GABRB2: variants seen among roughly 807,000 people sequenced by gnomAD.
GABRB2 encodes gamma-aminobutyric acid type A receptor subunit beta2, also known as gamma-aminobutyric acid receptor subunit beta-2.
Under a neutral mutation model 54.7 loss-of-function variants are expected in GABRB2, and 16 were observed. That is an observed-to-expected ratio of 0.29 (90% CI 0.20 to 0.44). GABRB2 has a LOEUF of 0.44. Ranked by LOEUF, GABRB2 falls within the 20% of genes least tolerant of loss-of-function variation. The pLI, the probability that GABRB2 is intolerant of heterozygous loss-of-function variation, is 1.00. For synonymous variants in GABRB2, 244 were observed against 233.8 expected (o/e 1.04, Z -0.40); for missense variants, 355 against 644.0 (o/e 0.55, Z 4.86).
At chr5:161,455,641 C>T (rs1757932531) in intron 4 of GABRB2, among the ~76,000 whole-genome samples, 5 of 151,752 alleles carry the variant, frequency 3.3e-5, no homozygotes, top group Admixed American at 3.3e-4. Flanking sequence ...GCCATCCTCC[C>T]ACCTCAGCCT....
chr5:161,383,951 G>A (rs1403763944), intron 5 of GABRB2, among the ~76,000 whole-genome samples: 2 of 152,216 alleles, frequency 1.3e-5, no homozygotes, highest in East Asian at 3.9e-4. Flanking sequence ...GCAGTGGTGC[G>A]ATCTCGGCTC....
chr5:161,293,972 T>A lies in GABRB2; in HGVS notation c.*109A>T. Reference sequence around the variant, plus strand: ...ACAGGATAGGCCAGCAACTAAGGTATTTTAGCGTCACTTTTGTCCTGGATT... The same window carrying A: ...ACAGGATAGGCCAGCAACTAAGGTAATTTAGCGTCACTTTTGTCCTGGATT... On this transcript the variant is annotated 3_prime_UTR_variant, in exon 10 of 10. Coordinates refer to ENST00000393959, the MANE Select transcript of GABRB2 (RefSeq NM_001371727.1). 1.2e-6 allele frequency: 1 copy of A among 851,030 alleles called. No homozygotes were observed. Among genetic ancestry groups the A allele is most frequent in the Non-Finnish European group, 1.8e-6 (1 of 546,320 alleles). The allele number at this position is 851,030 out of a possible 1,614,324, so 52.7% of individuals were successfully genotyped here. A position where few individuals can be genotyped will look rare whatever the true frequency, so the allele number is the denominator to read the frequency against.
Position 161,389,651 on chromosome 5 carries a change from G to T in GABRB2, c.541+21324C>A, listed in dbSNP as rs73319066. Among the ~76,000 whole-genome samples the T allele has an allele frequency of 2.3e-3, 350 of 151,670 alleles. 1 individual carries two copies. Among genetic ancestry groups the T allele is most frequent in the African/African-American group, 8.0e-3 (330 of 41,422 alleles). On this transcript the variant is annotated intron_variant, in intron 5 of 9. Transcript: ENST00000393959. ...AGAAATGAGAAAAAGAGAAGAAAAT[G>T]AGGGATTAAGGAATTGTTTGGGAGT...
chr5:161,331,887 C>T (rs575163628), intron 7 of GABRB2, among the ~76,000 whole-genome samples: 106 of 151,888 alleles, frequency 7.0e-4, no homozygotes, highest in African/African-American at 2.4e-3. Flanking sequence ...GCCAGTTGGC[C>T]GGGCGCGGTG....
chr5:161,372,958 T>C (rs1755174634), intron 5 of GABRB2, among the ~76,000 whole-genome samples: 1 of 152,154 alleles, frequency 6.6e-6, no homozygotes, highest in Non-Finnish European at 1.5e-5. Context: ...CCAGCATGTT[T>C]AGGAAGAAAG....
In GABRB2 at chr5:161,463,525, T is replaced by C. The variant is rs1023488140; in HGVS notation, c.238-3681A>G. 2.2e-4 allele frequency among the ~76,000 whole-genome samples: 31 copies of C among 138,084 alleles called. 1 individual carries two copies. Among genetic ancestry groups the C allele is most frequent in the African/African-American group, 7.5e-4 (28 of 37,372 alleles). 90.6% of individuals were successfully genotyped at this position (138,084 alleles called of 152,430 possible). A position where few individuals can be genotyped will look rare whatever the true frequency, so the allele number is the denominator to read the frequency against. ...ACCCTATCAGGATTTTTTTTGTAGA[T>C]GTTGACAAGGTGATTCCAAATATTT... On this transcript the variant is annotated intron_variant, in intron 3 of 9. Coordinates refer to ENST00000393959, the MANE Select transcript of GABRB2 (RefSeq NM_001371727.1).
intron 5 of GABRB2, among the ~76,000 whole-genome samples, chr5:161,337,253 TC>T (rs35983573): frequency 6.6e-5 from 10 of 152,110 alleles, no homozygotes; most frequent in East Asian, 1.9e-4. Context: ...TATCAAATTC[TC>T]CCCCAATATA....
At chr5:161,500,071 T>C (rs1188481854) in intron 3 of GABRB2, among the ~76,000 whole-genome samples, 2 of 152,208 alleles carry the variant, frequency 1.3e-5, no homozygotes, top group Non-Finnish European at 2.9e-5. Context: ...TTAAAAATAA[T>C]TGAATATGTT....
chr5:161,379,996 A>G (rs1463163408), intron 5 of GABRB2, among the ~76,000 whole-genome samples: 1 of 152,168 alleles, frequency 6.6e-6, no homozygotes, highest in Non-Finnish European at 1.5e-5. Flanking sequence ...GGTCCTGCCA[A>G]CTTTACAGAG....
At chr5:161,384,342 G>A (rs546251994) in intron 5 of GABRB2, among the ~76,000 whole-genome samples, 98 of 152,278 alleles carry the variant, frequency 6.4e-4, no homozygotes, top group African/African-American at 2.3e-3. Context: ...GTAGATGAGT[G>A]CCTGGATTTT....
At chr5:161,403,007 C>T (rs1756246588) in intron 5 of GABRB2, among the ~76,000 whole-genome samples, 1 of 152,122 alleles carries the variant, frequency 6.6e-6, no homozygotes, top group Non-Finnish European at 1.5e-5. Context: ...AGAACGTATG[C>T]CCTAGAGAAT....
intron 5 of GABRB2, among the ~76,000 whole-genome samples, chr5:161,400,830 T>C (rs1756161704): frequency 1.3e-5 from 2 of 152,198 alleles, no homozygotes; most frequent in Non-Finnish European, 2.9e-5. Context: ...TCTCAGGCTC[T>C]GGGCTCATTT....
chr5:161,373,513 T>C (rs1696917575), intron 5 of GABRB2, among the ~76,000 whole-genome samples: 1 of 152,178 alleles, frequency 6.6e-6, no homozygotes, highest in African/African-American at 2.4e-5. Context: ...TCAAACCCAT[T>C]TTATCAGCCA....
intron 5 of GABRB2, among the ~76,000 whole-genome samples, chr5:161,409,859 A>G (rs1756456214): frequency 6.6e-6 from 1 of 152,088 alleles, no homozygotes; most frequent in Non-Finnish European, 1.5e-5. Context: ...TTCATTAACT[A>G]GTTCTATAAG....
intron 9 of GABRB2, among the ~76,000 whole-genome samples, chr5:161,325,209 G>A (rs1306971107): frequency 2.0e-5 from 3 of 151,970 alleles, no homozygotes; most frequent in African/African-American, 4.8e-5. Flanking sequence ...TTCAACAAGC[G>A]TAACTAAAGT....
At chr5:161,324,197 AT>A (rs1259700336) in intron 9 of GABRB2, among the ~76,000 whole-genome samples, 4 of 152,178 alleles carry the variant, frequency 2.6e-5, no homozygotes, top group Admixed American at 6.5e-5. Flanking sequence ...GTAGAATATG[AT>A]TTTTATATAA....
In GABRB2 at chr5:161,452,752, G is replaced by A. The variant is rs1030804253; in HGVS notation, c.458+6872C>T. The stretch of plus-strand genomic sequence containing the variant: ...ATCAGACCTGTAATCCTAGCACTTT[G>A]GGAAGCCGAGGCAGGTGGATGGCTT... On this transcript the variant is annotated intron_variant, in intron 4 of 9. Transcript: ENST00000393959. Among the ~76,000 whole-genome samples the A allele has an allele frequency of 3.3e-5, 5 of 152,086 alleles. No individual in the cohort carries two copies. The South Asian group carries it at 6.2e-4, about 19-fold the overall frequency.
chr5:161,474,979 A>C (rs538915076), intron 3 of GABRB2, among the ~76,000 whole-genome samples: 3 of 152,022 alleles, frequency 2.0e-5, no homozygotes, highest in Non-Finnish European at 4.4e-5. Context: ...ACCAAATCTC[A>C]TGTTGACTTC....
In GABRB2 at chr5:161,546,664, T is replaced by C. The variant is rs748189232; in HGVS notation, c.-21A>G. The C allele has an allele frequency of 2.5e-6, 4 of 1,576,254 alleles. No homozygotes were observed. Among genetic ancestry groups the C allele is most frequent in the Non-Finnish European group, 3.5e-6 (4 of 1,159,244 alleles). On this transcript the variant is annotated 5_prime_UTR_variant, in exon 1 of 10. Coordinates refer to ENST00000393959, the MANE Select transcript of GABRB2 (RefSeq NM_001371727.1). ...CACATCCCTTTAGTTTTTGATGGAATTGAGGGTTTCACTGAAGAGAGGAGA... is the reference window on the plus strand; with the variant it reads ...CACATCCCTTTAGTTTTTGATGGAACTGAGGGTTTCACTGAAGAGAGGAGA...
Sources: allele counts gnomAD v4.1 joint callset (sites outside exome capture counted in the v4.1 genomes callset), GRCh38; gene constraint gnomAD v4.1.1; transcripts MANE v1.5; gene names NCBI Gene and HGNC (gene_info 2026-07-23, HGNC 2026-07-21).